WWOX: variants seen among roughly 807,000 people sequenced by gnomAD.
WWOX encodes WW domain-containing oxidoreductase.
WWOX carries 69 observed loss-of-function variants against 46.2 expected under a neutral mutation model. The observed-to-expected ratio is 1.49, with a 90% confidence interval of 1.23 to 1.82. The LOEUF (loss-of-function observed/expected upper bound fraction) is 1.82. Ranked by LOEUF, WWOX falls within the 40% of genes most tolerant of loss-of-function variation. WWOX has a pLI of 0.00. For synonymous variants in WWOX, 359 were observed against 202.6 expected, an observed-to-expected ratio of 1.77 and a Z score of -6.56; for missense variants, 919 against 542.6, an observed-to-expected ratio of 1.69 and a Z score of -6.89.
At chr16:78,274,262 C>T (rs1163843958) in intron 5 of WWOX, among the ~76,000 whole-genome samples, 2 of 152,122 alleles carry the variant, frequency 1.3e-5, no homozygotes, top group African/African-American at 2.4e-5. Context: ...CCTTTGAAAC[C>T]CACTGGATTT....
intron 8 of WWOX, among the ~76,000 whole-genome samples, chr16:78,915,032 C>G (rs925290425): frequency 5.9e-5 from 9 of 152,052 alleles, no homozygotes; most frequent in African/African-American, 2.2e-4. Context: ...AGAAAATGAT[C>G]ACTTAGCCTG....
intron 8 of WWOX, among the ~76,000 whole-genome samples, chr16:78,480,012 C>A (rs1056784069): frequency 1.3e-5 from 2 of 152,218 alleles, no homozygotes; most frequent in African/African-American, 4.8e-5. Flanking sequence ...CTTGTTCTCA[C>A]TGAAGCAGTC....
At chr16:78,952,518 G>T (rs2046082522) in intron 8 of WWOX, among the ~76,000 whole-genome samples, 1 of 151,868 alleles carries the variant, frequency 6.6e-6, no homozygotes, top group Admixed American at 6.6e-5. Context: ...GAGTAGCTGG[G>T]ATTACAGGCA....
chr16:78,470,241 T>A (rs1217578011), intron 8 of WWOX, among the ~76,000 whole-genome samples: 2 of 152,162 alleles, frequency 1.3e-5, no homozygotes, highest in African/African-American at 4.8e-5. Flanking sequence ...ATTTTAAGGA[T>A]GAGGCCTGGG....
At chr16:78,175,524 C>A (rs1413915677) in intron 5 of WWOX, among the ~76,000 whole-genome samples, 1 of 152,124 alleles carries the variant, frequency 6.6e-6, no homozygotes, top group African/African-American at 2.4e-5. Context: ...TCTCTTGGAT[C>A]ACTCACCAGC....
rs990667929 is a variant in WWOX, at chr16:79,080,561, T to C, written c.1057-131047T>C. On this transcript the variant is annotated intron_variant, in intron 8 of 8. Transcript: ENST00000566780. Reference sequence around the variant, plus strand: ...AGCCACAACCATACCCAGAACCAGATTGTCTAACACTGAATCTCGAATCCA... The same window carrying C: ...AGCCACAACCATACCCAGAACCAGACTGTCTAACACTGAATCTCGAATCCA... Among the ~76,000 whole-genome samples the C allele has an allele frequency of 4.6e-5, 7 of 152,208 alleles. No homozygotes were observed. The East Asian group carries it at 5.8e-4, about 13-fold the overall frequency.
At chr16:79,149,497 A>T (rs1349795262) in intron 8 of WWOX, among the ~76,000 whole-genome samples, 2 of 152,186 alleles carry the variant, frequency 1.3e-5, no homozygotes, top group Non-Finnish European at 2.9e-5. Context: ...AGTGCCCAAC[A>T]AGGAAAGCAT....
chr16:78,287,674 C>T (rs1008001457), intron 5 of WWOX, among the ~76,000 whole-genome samples: 13 of 152,188 alleles, frequency 8.5e-5, no homozygotes, highest in African/African-American at 2.6e-4. Context: ...AAGGAAAGGA[C>T]GGAGACCAGG....
chr16:79,152,182 C>G (rs1207795153), intron 8 of WWOX, among the ~76,000 whole-genome samples: 1 of 152,140 alleles, frequency 6.6e-6, no homozygotes, highest in African/African-American at 2.4e-5. Context: ...TGCATCCCTC[C>G]CCCACGCGAG....
intron 8 of WWOX, among the ~76,000 whole-genome samples, chr16:78,869,371 T>C (rs1504885): frequency 0.31 from 46,920 of 152,058 alleles, 7,794 homozygotes; most frequent in East Asian, 0.48. Context: ...TGCAACCTGT[T>C]TTTCCTACTC....
chr16:78,864,289 G>C (rs7195996), intron 8 of WWOX, among the ~76,000 whole-genome samples: 117,877 of 150,680 alleles, frequency 0.78, 46,653 homozygotes, highest in Middle Eastern at 0.9. Context: ...TTTTTTGAGA[G>C]AGAATCTTGC....
At chr16:78,443,419 C>T (rs2083489727) in intron 8 of WWOX, among the ~76,000 whole-genome samples, 1 of 152,144 alleles carries the variant, frequency 6.6e-6, no homozygotes, top group Non-Finnish European at 1.5e-5. Context: ...TTTAAGCCCT[C>T]CAGTTGCCTG....
intron 8 of WWOX, among the ~76,000 whole-genome samples, chr16:78,858,699 A>G (rs1320690646): frequency 6.6e-6 from 1 of 151,690 alleles, no homozygotes; most frequent in Non-Finnish European, 1.5e-5. Flanking sequence ...TATTTTTTTG[A>G]GATAGTGTCT....
chr16:78,426,295 C>G (rs1226141879), intron 7 of WWOX, among the ~76,000 whole-genome samples: 1 of 152,176 alleles, frequency 6.6e-6, no homozygotes, highest in Non-Finnish European at 1.5e-5. Context: ...AGAAATAAAT[C>G]TGCCAGCCCC....
rs186037636 is a variant in WWOX, at chr16:78,564,805, C to G, written c.1056+132053C>G. 3.9e-3 allele frequency among the ~76,000 whole-genome samples: 594 copies of G among 152,284 alleles called. 7 individuals are homozygous for G. Among genetic ancestry groups the G allele is most frequent in the South Asian group, 0.027 (132 of 4,822 alleles). ...AATTTTAACTTAAATTTTTTCCCCT[C>G]AAGATCTATTTACGGATCATCAGTT... is the stretch of plus-strand genomic sequence containing the variant. On this transcript the variant is annotated intron_variant, in intron 8 of 8. Coordinates refer to ENST00000566780, the MANE Select transcript of WWOX (RefSeq NM_016373.4).
At chr16:78,725,981 T>C (rs2048821712) in intron 8 of WWOX, among the ~76,000 whole-genome samples, 1 of 150,626 alleles carries the variant, frequency 6.6e-6, no homozygotes, top group Non-Finnish European at 1.5e-5. Flanking sequence ...CTCCTCCTTC[T>C]CCTTCTCCTC....
At chr16:78,534,029 G>C (rs2043696548) in intron 8 of WWOX, among the ~76,000 whole-genome samples, 1 of 152,126 alleles carries the variant, frequency 6.6e-6, no homozygotes, top group Non-Finnish European at 1.5e-5. Flanking sequence ...GGGTAAGAGA[G>C]TTCTCAGAAA....
intron 8 of WWOX, among the ~76,000 whole-genome samples, chr16:78,856,401 G>T (rs1451253140): frequency 1.3e-5 from 2 of 152,170 alleles, no homozygotes; most frequent in Non-Finnish European, 2.9e-5. Flanking sequence ...GCAGCACTTT[G>T]GTTGGCTGAG....
intron 8 of WWOX, among the ~76,000 whole-genome samples, chr16:78,905,284 A>T (rs1002336827): frequency 3.3e-5 from 5 of 152,352 alleles, no homozygotes; most frequent in Admixed American, 1.3e-4. Context: ...TTGAGCCCAC[A>T]CATATTTACT....
Sources: gnomAD v4.1 joint callset for allele counts (sites outside exome capture counted in the v4.1 genomes callset) on GRCh38, gnomAD v4.1.1 for gene constraint, MANE v1.5 for transcripts, NCBI Gene and HGNC (gene_info 2026-07-23, HGNC 2026-07-21) for gene names.